The following PPP2R3B variants were observed in gnomAD, a reference collection of about 807,000 sequenced individuals.
PPP2R3B encodes the protein serine/threonine-protein phosphatase 2A regulatory subunit B'' subunit beta.
Under a neutral mutation model 72.9 loss-of-function variants are expected in PPP2R3B, and 68 were observed. That is an observed-to-expected ratio of 0.93 (90% confidence interval 0.77 to 1.14). The LOEUF is 1.14. PPP2R3B is among the 50% of genes most tolerant of loss of function. The probability of loss-of-function intolerance (pLI) is 0.00; values close to 1 mark genes in which losing one functional copy is unlikely to be tolerated. For synonymous variants in PPP2R3B, 466 were observed against 375.8 expected (o/e 1.24, Z -2.78); for missense variants, 1,018 against 842.0 (o/e 1.21, Z -2.59).
chrX:373,275 T>G (rs1226655965), intron 1 of PPP2R3B, among the ~76,000 whole-genome samples: 1 of 152,212 alleles, frequency 6.6e-6, no homozygotes, highest in African/African-American at 2.4e-5. Flanking sequence ...GAGTGCTCTT[T>G]TCAAAGCCCG....
At position 347,635 on chromosome X, in the gene PPP2R3B, C is replaced by G; in HGVS notation, c.569G>C (p.Arg190Pro). ...CTTGTGGACGGACACGGAGCCCGTG[C>G]GCTCCCCGCCGGCGCCATAGAAGAG... The part of the protein sequence containing the change: ...GPLFYGAGGE[R>P]TGSVSVHKFV... The change falls in exon 3 of 13, where the codon CGC becomes CCC. Residue 190 changes from arginine (R) to proline (P), a missense_variant. Coordinates refer to ENST00000390665, the MANE Select transcript of PPP2R3B (RefSeq NM_013239.5). 6.4e-7 allele frequency: 1 copy of G among 1,573,418 alleles called. No homozygotes were observed. The highest frequency in any genetic ancestry group is 8.6e-7 in the Non-Finnish European group (1 of 1,159,276).
chrX:341,519 C>T lies in PPP2R3B; in HGVS notation c.1086-123G>A. The T allele has an allele frequency of 6.7e-6, 6 of 892,924 alleles. 1 individual carries two copies. The South Asian group carries it at 8.7e-5, about 13-fold the overall frequency. 55.3% of individuals were successfully genotyped at this position (892,924 alleles called of 1,614,324 possible). A position where few individuals can be genotyped will look rare whatever the true frequency, so the allele number is the denominator to read the frequency against. On this transcript the variant is annotated intron_variant, in intron 8 of 12. Coordinates refer to ENST00000390665, the MANE Select transcript of PPP2R3B (RefSeq NM_013239.5). ...CCGGGCCCGGCCCTCCTCCTGCCCC[C>T]CTCCTGCCCCTCCTCCTGCCTCTCC...
Position 359,123 on chromosome X carries a change from C to T in PPP2R3B, c.510+2282G>A, listed in dbSNP as rs764521670. ...GTGAGCTGCAAAAGAGGTGTCTGAC[C>T]CAGCCCGAGGCGCGCAGAGACCCTG... On this transcript the variant is annotated intron_variant, in intron 2 of 12. Coordinates refer to ENST00000390665, the MANE Select transcript of PPP2R3B (RefSeq NM_013239.5). Among the ~76,000 whole-genome samples the T allele has an allele frequency of 2.6e-5, 4 of 152,212 alleles. No homozygotes were observed. In the South Asian group the frequency reaches 8.3e-4, roughly 32 times the overall value.
chrX:345,495 C>T, intron 7 of PPP2R3B, 21 bp downstream of exon 7: 2 of 1,611,990 alleles, frequency 1.2e-6, no homozygotes, highest in Non-Finnish European at 1.7e-6. Context: ...GCGGCCCGCC[C>T]GCCCCTGTGC....
intron 6 of PPP2R3B, 111 bp from the exon 7 acceptor site, chrX:345,783 G>A: frequency 1.7e-6 from 2 of 1,143,248 alleles, no homozygotes; most frequent in Non-Finnish European, 2.5e-6. Context: ...CGCTCCGTGG[G>A]TGGGGGGGAC....
At chrX:360,790 T>G (rs1452737609) in intron 2 of PPP2R3B, among the ~76,000 whole-genome samples, 1 of 152,128 alleles carries the variant, frequency 6.6e-6, no homozygotes, top group East Asian at 1.9e-4. Flanking sequence ...GACACGCATC[T>G]CTGGTGTAGG....
At chrX:372,913 G>C (rs2071897706) in intron 1 of PPP2R3B, among the ~76,000 whole-genome samples, 1 of 152,206 alleles carries the variant, frequency 6.6e-6, no homozygotes, top group Admixed American at 6.5e-5. Flanking sequence ...GGGAAACAGA[G>C]AGGCTTCGTC....
chrX:358,827 G>A (rs867845058), intron 2 of PPP2R3B, among the ~76,000 whole-genome samples: 1 of 150,728 alleles, frequency 6.6e-6, no homozygotes, highest in Non-Finnish European at 1.5e-5. Flanking sequence ...CACCACGGTG[G>A]GGGGAGGCGC....
intron 2 of PPP2R3B, among the ~76,000 whole-genome samples, chrX:360,969 A>G (rs1454252808): frequency 1.4e-5 from 2 of 147,726 alleles, no homozygotes; most frequent in African/African-American, 2.4e-5. Context: ...GGCTGCTGCC[A>G]GGAGACGGGT....
chrX:347,946 T>C, intron 2 of PPP2R3B: 1 of 441,200 alleles, frequency 2.3e-6, no homozygotes, highest in Non-Finnish European at 4.0e-6. Context: ...GTGGGCACTG[T>C]AACCAGAGGC....
intron 2 of PPP2R3B, among the ~76,000 whole-genome samples, chrX:348,581 A>AAAAAAAGAG (rs111787156): frequency 6.9e-6 from 1 of 144,380 alleles, no homozygotes; most frequent in African/African-American, 2.6e-5. Context: ...GTCTCAAAAA[A>AAAAAAAGAG]AGAGCAAATA....
intron 1 of PPP2R3B, among the ~76,000 whole-genome samples, chrX:375,626 G>A (rs1222321798): frequency 6.6e-6 from 1 of 152,264 alleles, no homozygotes; most frequent in Non-Finnish European, 1.5e-5. Flanking sequence ...ACAGGGCAGA[G>A]GTGCCGCCCC....
At chrX:356,197 C>T (rs191812360) in intron 2 of PPP2R3B, among the ~76,000 whole-genome samples, 5 of 152,294 alleles carry the variant, frequency 3.3e-5, no homozygotes, top group African/African-American at 4.8e-5. Flanking sequence ...AGGGCCACCC[C>T]GGAAGCAGGG....
At chrX:371,166 G>A (rs1317699557) in intron 1 of PPP2R3B, among the ~76,000 whole-genome samples, 1 of 152,100 alleles carries the variant, frequency 6.6e-6, no homozygotes, top group Non-Finnish European at 1.5e-5. Context: ...GCTCCGGCAA[G>A]AAGAGCTCAG....
At chrX:378,243 G>T (rs190400382) in intron 1 of PPP2R3B, among the ~76,000 whole-genome samples, 1 of 152,148 alleles carries the variant, frequency 6.6e-6, no homozygotes, top group Non-Finnish European at 1.5e-5. Context: ...CTCTGCTGTC[G>T]GGACACAATC....
intron 7 of PPP2R3B, chrX:345,264 G>T: frequency 1.5e-6 from 1 of 689,258 alleles, no homozygotes; most frequent in Non-Finnish European, 2.6e-6. Context: ...TTCAGGACCA[G>T]CGGCCCACAC....
intron 1 of PPP2R3B, among the ~76,000 whole-genome samples, chrX:363,292 G>GCAGTGCATCTCCCAGAGCCCACCATCCCA (rs2071585020): frequency 1.9e-4 from 1 of 5,284 alleles, no homozygotes; most frequent in East Asian, 4.3e-3. Flanking sequence ...CCACGATCCC[G>GCAGTGCATCTCCCAGAGCCCACCATCCCA]CAGTGCATCT....
intron 1 of PPP2R3B, among the ~76,000 whole-genome samples, chrX:384,956 G>A (rs1433216960): frequency 7.4e-6 from 1 of 134,576 alleles, no homozygotes; most frequent in East Asian, 2.3e-4. Flanking sequence ...TTGCATCTCA[G>A]CCTGGGTGAG....
chrX:353,752 C>A (rs1023575931), intron 2 of PPP2R3B, among the ~76,000 whole-genome samples: 2 of 151,644 alleles, frequency 1.3e-5, no homozygotes, highest in Admixed American at 1.3e-4. Context: ...GCTGGGGGCT[C>A]ACCCAAAGAC....
Sources: allele counts gnomAD v4.1 joint callset (sites outside exome capture counted in the v4.1 genomes callset), GRCh38; gene constraint gnomAD v4.1.1; transcripts MANE v1.5; gene names NCBI Gene and HGNC (gene_info 2026-07-23, HGNC 2026-07-21).